Variants in CACNA2D1 observed in about 807,000 individuals in gnomAD.
CACNA2D1 encodes the protein calcium voltage-gated channel auxiliary subunit alpha2delta 1, also known as voltage-dependent calcium channel subunit alpha-2/delta-1.
In CACNA2D1, 53 loss-of-function variants were observed where a neutral mutation model predicts 171.5. The ratio of observed to expected loss-of-function variants is 0.31; its 90% CI spans 0.25 to 0.39. The LOEUF (loss-of-function observed/expected upper bound fraction) is 0.39, where lower values mean the gene tolerates loss of function less well. CACNA2D1 is among the 10% of genes least tolerant of loss of function. The pLI is 1.00. For missense variants in CACNA2D1, 903 were observed against 1,299.8 expected (o/e 0.69, Z 4.69); for synonymous variants, 442 against 443.1 (o/e 1.00, Z 0.03).
At chr7:82,386,403 C>CAAA (rs1253075122) in intron 1 of CACNA2D1, among the ~76,000 whole-genome samples, 1 of 152,120 alleles carries the variant, frequency 6.6e-6, no homozygotes, top group Non-Finnish European at 1.5e-5. Flanking sequence ...TTCAAAATTA[C>CAAA]ATTTTAATAT....
At chr7:82,291,563 A>G (rs974133488) in intron 3 of CACNA2D1, among the ~76,000 whole-genome samples, 2 of 141,194 alleles carry the variant, frequency 1.4e-5, no homozygotes, top group African/African-American at 5.2e-5. Flanking sequence ...ATAAATATAT[A>G]TATTTATATT....
intron 3 of CACNA2D1, among the ~76,000 whole-genome samples, chr7:82,196,794 T>C (rs1798896670): frequency 6.6e-6 from 1 of 151,658 alleles, no homozygotes; most frequent in Non-Finnish European, 1.5e-5. Context: ...GCAAAGAAAC[T>C]GAGGTAGTTC....
intron 3 of CACNA2D1, among the ~76,000 whole-genome samples, chr7:82,274,358 T>G (rs895032441): frequency 2.0e-5 from 3 of 152,218 alleles, no homozygotes; most frequent in Non-Finnish European, 4.4e-5. Flanking sequence ...ATTGCATATT[T>G]ACTTTAATTT....
At chr7:82,003,273 T>C (rs1283471409) in intron 18 of CACNA2D1, among the ~76,000 whole-genome samples, 1 of 152,098 alleles carries the variant, frequency 6.6e-6, no homozygotes, top group Non-Finnish European at 1.5e-5. Flanking sequence ...TTTGGAAATG[T>C]CTTTCTGTTA....
chr7:82,145,451 TTATATA>T (rs72182776), intron 4 of CACNA2D1, among the ~76,000 whole-genome samples: 1 of 143,568 alleles, frequency 7.0e-6, no homozygotes, highest in East Asian at 2.0e-4. Flanking sequence ...TGTATAATTT[TTATATA>T]TGTTTATATT....
chr7:82,295,640 C>G (rs77582645), intron 3 of CACNA2D1, among the ~76,000 whole-genome samples: 1 of 151,666 alleles, frequency 6.6e-6, no homozygotes, highest in African/African-American at 2.4e-5. Flanking sequence ...ACTCAGCCTC[C>G]CAAAGTGTTG....
At chr7:82,254,762 A>G (rs1033355626) in intron 3 of CACNA2D1, among the ~76,000 whole-genome samples, 1 of 152,210 alleles carries the variant, frequency 6.6e-6, no homozygotes, top group Non-Finnish European at 1.5e-5. Flanking sequence ...GTTGATACAT[A>G]TAATCTTCTG....
At chr7:82,012,990 CTTG>C (rs1452286385) in intron 14 of CACNA2D1, among the ~76,000 whole-genome samples, 1 of 151,952 alleles carries the variant, frequency 6.6e-6, no homozygotes, top group African/African-American at 2.4e-5. Context: ...AAATCATCTC[CTTG>C]TTGTAACTTT....
intron 27 of CACNA2D1, 72 bp downstream of exon 27, chr7:81,970,603 A>G (rs1795166463): frequency 2.4e-6 from 2 of 825,522 alleles, no homozygotes; most frequent in Non-Finnish European, 4.3e-6. Context: ...GGCTTCCTTA[A>G]GCAGTAATGT....
intron 38 of CACNA2D1, 41 bp downstream of exon 38, chr7:81,959,234 T>C: frequency 2.2e-6 from 3 of 1,348,318 alleles, no homozygotes; most frequent in South Asian, 1.2e-5. Flanking sequence ...ACAGTGACCA[T>C]TAATTTATAG....
At chr7:82,350,844 T>C (rs571968671) in intron 1 of CACNA2D1, among the ~76,000 whole-genome samples, 5 of 152,334 alleles carry the variant, frequency 3.3e-5, no homozygotes, top group Admixed American at 6.5e-5. Flanking sequence ...ATTACAATTA[T>C]GATCGAAGGA....
chr7:82,073,829 G>C (rs2042147), intron 7 of CACNA2D1, among the ~76,000 whole-genome samples: 49,428 of 151,838 alleles, frequency 0.33, 9,591 homozygotes, highest in Non-Finnish European at 0.43. Flanking sequence ...TCGAACTCCT[G>C]ACCTCAGGTG....
chr7:81,953,725 A>G (rs1792878003), intron 38 of CACNA2D1, among the ~76,000 whole-genome samples: 1 of 152,146 alleles, frequency 6.6e-6, no homozygotes, highest in African/African-American at 2.4e-5. Context: ...TCACTTAAAC[A>G]GGAGTACTCC....
chr7:82,104,030 C>A (rs1166334543), intron 6 of CACNA2D1, among the ~76,000 whole-genome samples: 1 of 151,934 alleles, frequency 6.6e-6, no homozygotes, highest in Non-Finnish European at 1.5e-5. Flanking sequence ...AAAATATAAA[C>A]CATCTCAAAA....
At chr7:82,439,104 A>G (rs914045340) in intron 1 of CACNA2D1, among the ~76,000 whole-genome samples, 1 of 152,094 alleles carries the variant, frequency 6.6e-6, no homozygotes, top group Non-Finnish European at 1.5e-5. Flanking sequence ...GGAAACTTGC[A>G]TCTATATTGA....
intron 3 of CACNA2D1, among the ~76,000 whole-genome samples, chr7:82,322,466 A>T (rs1457344830): frequency 6.7e-6 from 1 of 149,094 alleles, no homozygotes; most frequent in Admixed American, 7.0e-5. Flanking sequence ...AAAAAAAAAA[A>T]AAAAATTAAA....
intron 9 of CACNA2D1, among the ~76,000 whole-genome samples, chr7:82,061,860 C>T (rs1307755156): frequency 6.6e-6 from 1 of 152,030 alleles, no homozygotes; most frequent in Non-Finnish European, 1.5e-5. Flanking sequence ...GTGGGGAGCA[C>T]AGGATTGGTT....
At chr7:82,010,338 G>A (rs925024181) in intron 15 of CACNA2D1, among the ~76,000 whole-genome samples, 2 of 150,002 alleles carry the variant, frequency 1.3e-5, no homozygotes, top group African/African-American at 4.9e-5. Flanking sequence ...TAAAAATAAC[G>A]CTATATGTGT....
At chr7:82,229,424 C>G (rs1211516177) in intron 3 of CACNA2D1, among the ~76,000 whole-genome samples, 1 of 152,078 alleles carries the variant, frequency 6.6e-6, no homozygotes, top group Non-Finnish European at 1.5e-5. Context: ...TATGAAGCAA[C>G]CAACCTAGAA....
Sources: allele counts gnomAD v4.1 joint callset (sites outside exome capture counted in the v4.1 genomes callset), GRCh38; gene constraint gnomAD v4.1.1; transcripts MANE v1.5; gene names NCBI Gene and HGNC (gene_info 2026-07-23, HGNC 2026-07-21).